Variants in AOC3 observed in about 807,000 individuals in gnomAD.
AOC3 encodes amine oxidase [copper-containing] 3.
Under a neutral mutation model 55.4 loss-of-function variants are expected in AOC3, and 47 were observed. The observed-to-expected ratio is 0.85, with a 90% confidence interval of 0.67 to 1.08. The LOEUF (loss-of-function observed/expected upper bound fraction) is 1.08. Ranked by LOEUF, AOC3 falls within the 50% of genes least tolerant of loss-of-function variation. The pLI, the probability that AOC3 is intolerant of heterozygous loss-of-function variation, is 0.00. For missense variants in AOC3, 853 were observed against 993.1 expected (o/e 0.86, Z 1.90); for synonymous variants, 386 against 410.7 (o/e 0.94, Z 0.73).
In AOC3 at chr17:42,852,351, T is replaced by G; in HGVS notation, c.1008T>G (p.Thr336=). The change falls in exon 1 of 4, where the codon ACT becomes ACG. Residue 336 remains threonine (T), a synonymous_variant. Coordinates refer to ENST00000308423, the MANE Select transcript of AOC3 (RefSeq NM_003734.4). ...QGSRVASSLW[T]FSFGLGAFSG... ...GTCGAGTGGCCTCCTCACTGTGGAC[T>G]TTCTCCTTTGGCCTCGGAGCATTCA... 3.7e-6 allele frequency: 6 copies of G among 1,614,194 alleles called. No homozygotes were observed. The highest frequency in any genetic ancestry group is 5.1e-6 in the Non-Finnish European group (6 of 1,180,034).
rs775173053 is a variant in AOC3, at chr17:42,854,492, A to G, written c.1645A>G (p.Met549Val). The G allele has an allele frequency of 3.1e-6, 5 of 1,594,294 alleles. No homozygotes were observed. In the South Asian group the frequency reaches 3.4e-5, roughly 11 times the overall value. ...GGCCGAGGATATGGTCTTTGTCCCC[A>G]TGGCTGTGCCCTGGAGCCCTGAGCA... The part of the protein sequence containing the change: ...VWAEDMVFVP[M>V]AVPWSPEHQL... The change falls in exon 2 of 4, where the codon ATG becomes GTG. Residue 549 changes from methionine to valine, a missense_variant. Physicochemically the swap from Met to Val is conservative, Grantham distance 21. Transcript: ENST00000308423.
At position 42,856,771 on chromosome 17, in the gene AOC3, A is replaced by G. The variant is rs991967607; in HGVS notation, c.*221A>G. 2 of 610,392 alleles carry G rather than the reference A, an allele frequency of 3.3e-6. No individual in the cohort carries two copies. The highest frequency in any genetic ancestry group is 3.7e-5 in the African/African-American group (2 of 54,052). The allele number at this position is 610,392 out of a possible 1,614,324, so 37.8% of individuals were successfully genotyped here. On this transcript the variant is annotated 3_prime_UTR_variant, in exon 4 of 4. Coordinates refer to ENST00000308423, the MANE Select transcript of AOC3 (RefSeq NM_003734.4). Reference sequence around the variant, plus strand: ...AACCTTGTTGATGCCAGCTGTACTGAGTTCTCATCCACAGAGGCCAGGCAT... The same window carrying G: ...AACCTTGTTGATGCCAGCTGTACTGGGTTCTCATCCACAGAGGCCAGGCAT...
At position 42,853,061 on chromosome 17, in the gene AOC3, C is replaced by T. The variant is rs1224907411; in HGVS notation, c.1600+118C>T. 7 of 1,380,632 alleles carry T rather than the reference C, an allele frequency of 5.1e-6. No homozygotes were observed. In the East Asian group the frequency reaches 1.5e-4, roughly 29 times the overall value. 85.5% of individuals were successfully genotyped at this position (1,380,632 alleles called of 1,614,324 possible). A position where few individuals can be genotyped will look rare whatever the true frequency, so the allele number is the denominator to read the frequency against. ...GAAGACGTGGATTTTTGTACTTCCC[C>T]TTTTGCTGGATGGGAGAGAGTTGGC... On this transcript the variant is annotated intron_variant, in intron 1 of 3. Transcript: ENST00000308423.
chr17:42,856,693 G>A lies in AOC3; in HGVS notation c.*143G>A, dbSNP rs574477848. ...TCTTCCACTACCCTCCCTCGCATCC[G>A]CCTCTGAGCCAGGAGCCTCCTGACC... is the stretch of plus-strand genomic sequence containing the variant. On this transcript the variant is annotated 3_prime_UTR_variant, in exon 4 of 4. Coordinates refer to ENST00000308423, the MANE Select transcript of AOC3 (RefSeq NM_003734.4). 1.0e-6 allele frequency: 1 copy of A among 988,754 alleles called. No individual in the cohort carries two copies. Among genetic ancestry groups the A allele is most frequent in the Non-Finnish European group, 1.5e-6 (1 of 683,164 alleles). 61.2% of individuals were successfully genotyped at this position (988,754 alleles called of 1,614,324 possible).
chr17:42,853,347 C>T (rs1439089862), intron 1 of AOC3: 8 of 1,018,620 alleles, frequency 7.9e-6, no homozygotes, highest in South Asian at 4.1e-5. Context: ...CATTCTACCA[C>T]GTCCCTGGCA....
At position 42,851,562 on chromosome 17, in the gene AOC3, C is replaced by T. The variant is rs2055664904; in HGVS notation, c.219C>T (p.Arg73=). The change falls in exon 1 of 4, where the codon CGC becomes CGT. Residue 73 remains arginine, a synonymous_variant. Transcript: ENST00000308423. The part of the protein sequence containing the change: ...LSREELTAVM[R]FLTQRLGPGL... ...GAGAGGAGCTGACGGCTGTGATGCG[C>T]TTTCTGACCCAGCGGCTGGGGCCAG... The T allele has an allele frequency of 6.2e-7, 1 of 1,613,706 alleles. No individual in the cohort carries two copies. Among genetic ancestry groups the T allele is most frequent in the African/African-American group, 1.3e-5 (1 of 74,940 alleles).
Position 42,852,743 on chromosome 17 carries a change from C to T in AOC3, c.1400C>T (p.Thr467Ile). ...GTGCTGGTCGTCAGATCTATGTCCA[C>T]CTTGCTCAACTATGACTATGTGTGG... Reference protein sequence around the residue: ...ETVLVVRSMSTLLNYDYVWDT... With the variant: ...ETVLVVRSMSILLNYDYVWDT... The change falls in exon 1 of 4, where the codon ACC becomes ATC. Residue 467 changes from threonine to isoleucine, a missense_variant. Coordinates refer to ENST00000308423, the MANE Select transcript of AOC3 (RefSeq NM_003734.4). 2 of 1,614,226 alleles carry T rather than the reference C, an allele frequency of 1.2e-6. No homozygotes were observed. The highest frequency in any genetic ancestry group is 1.7e-6 in the Non-Finnish European group (2 of 1,180,030).
chr17:42,855,078 C>CTCA (rs1353103365), intron 2 of AOC3, among the ~76,000 whole-genome samples: 5 of 152,154 alleles, frequency 3.3e-5, no homozygotes, highest in Non-Finnish European at 7.3e-5. Flanking sequence ...AACTCCTGAC[C>CTCA]TCATGATCCA....
chr17:42,852,404 T>C lies in AOC3; in HGVS notation c.1061T>C (p.Phe354Ser). 2 of 1,614,160 alleles carry C rather than the reference T, an allele frequency of 1.2e-6. No individual in the cohort carries two copies. Among genetic ancestry groups the C allele is most frequent in the South Asian group, 1.1e-5 (1 of 91,072 alleles). ...GGCCCAAGGATCTTTGACGTTCGCT[T>C]CCAAGGAGAAAGACTAGTTTATGAG... Reference protein sequence around the residue: ...FSGPRIFDVRFQGERLVYEIS... With the variant: ...FSGPRIFDVRSQGERLVYEIS... Residue 354 changes from phenylalanine (F) to serine (S), a missense_variant, in exon 1 of 4, where the codon TTC (phenylalanine) becomes TCC (serine). Coordinates refer to ENST00000308423, the MANE Select transcript of AOC3 (RefSeq NM_003734.4).
chr17:42,857,785 T>C lies in AOC3; in HGVS notation c.*1235T>C, dbSNP rs1404694129. On this transcript the variant is annotated 3_prime_UTR_variant, in exon 4 of 4. Coordinates refer to ENST00000308423, the MANE Select transcript of AOC3 (RefSeq NM_003734.4). ...TTCTCTAAAGGACTGGTTAAATCAA[T>C]TCTGATACAGCCTTACAATACAATA... 1 of 152,232 alleles carries C rather than the reference T, an allele frequency of 6.6e-6. No individual in the cohort carries two copies. The highest frequency in any genetic ancestry group is 2.4e-5 in the African/African-American group (1 of 41,462). 9.4% of individuals were successfully genotyped at this position (152,232 alleles called of 1,614,324 possible). A position where few individuals can be genotyped will look rare whatever the true frequency, so the allele number is the denominator to read the frequency against.
intron 1 of AOC3, chr17:42,854,116 G>A (rs1256648229): frequency 4.9e-6 from 1 of 203,606 alleles, no homozygotes; most frequent in Admixed American, 6.0e-5. Flanking sequence ...CACAGGACAG[G>A]CCAGTCAGTG....
rs1331731777 is a variant in AOC3, at chr17:42,857,542, GCCAGGAGGGGCTGTCCAATCACATTCA to G, written c.*993_*1019del. On this transcript the variant is annotated 3_prime_UTR_variant, in exon 4 of 4. Transcript: ENST00000308423. The stretch of plus-strand genomic sequence containing the variant: ...AAGCCCCTACAACTCCAGCCACCCA[GCCAGGAGGGGCTGTCCAATCACATTCA>G]GGCATGCGAATGAGCTGGGCCCTGG... The G allele has an allele frequency of 6.6e-6, 1 of 152,324 alleles. No individual in the cohort carries two copies. Among genetic ancestry groups the G allele is most frequent in the Non-Finnish European group, 1.5e-5 (1 of 68,040 alleles). The allele number at this position is 152,324 out of a possible 1,614,324, so 9.4% of individuals were successfully genotyped here. A position where few individuals can be genotyped will look rare whatever the true frequency, so the allele number is the denominator to read the frequency against.
rs1200984976 is a variant in AOC3, at chr17:42,854,716, A to G, written c.1869A>G (p.Arg623=). 1.3e-6 allele frequency: 2 copies of G among 1,481,678 alleles called. No individual in the cohort carries two copies. Among genetic ancestry groups the G allele is most frequent in the Non-Finnish European group, 1.8e-6 (2 of 1,110,788 alleles). 91.8% of individuals were successfully genotyped at this position (1,481,678 alleles called of 1,614,324 possible). A position where few individuals can be genotyped will look rare whatever the true frequency, so the allele number is the denominator to read the frequency against. ...EPLPQNSSMA[R]GFSWERYQLA... ...TGCCCCAAAACAGCTCCATGGCGAG[A>G]GGCTTCAGCTGGGAGAGGTGAGTGG... Residue 623 remains arginine (R), a synonymous_variant, in exon 2 of 4, where the codon AGA becomes AGG. Transcript: ENST00000308423.
Position 42,852,689 on chromosome 17 carries a change from C to T in AOC3, c.1346C>T (p.Ser449Leu), listed in dbSNP as rs1200194786. ...PLRRHHSDLYSHYFGGLAETV... is the reference protein window; with the variant it reads ...PLRRHHSDLYLHYFGGLAETV... ...CGGCGACACCACTCAGATCTCTACT[C>T]GCACTACTTTGGGGGTCTTGCGGAA... Residue 449 changes from serine to leucine, a missense_variant, in exon 1 of 4, where the codon TCG becomes TTG. Coordinates refer to ENST00000308423, the MANE Select transcript of AOC3 (RefSeq NM_003734.4). 1.9e-6 allele frequency: 3 copies of T among 1,614,238 alleles called. No individual in the cohort carries two copies. Among genetic ancestry groups the T allele is most frequent in the African/African-American group, 1.3e-5 (1 of 75,058 alleles).
In AOC3 at chr17:42,852,782, AC is replaced by A. The variant is rs1411455567; in HGVS notation, c.1443del (p.Ser482ValfsTer4). On this transcript the variant is annotated frameshift_variant, in exon 1 of 4. Transcript: ENST00000308423. LOFTEE classifies it high-confidence loss of function. ...NYDYVWDTVF[H>X]PSGAIEIRFY... is the part of the protein sequence containing the mutation. ...GACTATGTGTGGGATACGGTCTTCCACCCCAGTGGGGCCATAGAAATACGAT... is the reference window on the plus strand; with the variant it reads ...GACTATGTGTGGGATACGGTCTTCCACCCAGTGGGGCCATAGAAATACGAT... 1 of 1,613,890 alleles carries A rather than the reference AC, an allele frequency of 6.2e-7. No individual in the cohort carries two copies. The highest frequency in any genetic ancestry group is 8.5e-7 in the Non-Finnish European group (1 of 1,179,858).
chr17:42,852,723 G>C lies in AOC3; in HGVS notation c.1380G>C (p.Leu460=). The stretch of plus-strand genomic sequence containing the variant: ...TTGGGGGTCTTGCGGAAACGGTGCT[G>C]GTCGTCAGATCTATGTCCACCTTGC... The part of the protein sequence containing the change: ...HYFGGLAETV[L]VVRSMSTLLN... The change falls in exon 1 of 4, where the codon CTG becomes CTC. Residue 460 remains leucine, a synonymous_variant. Coordinates refer to ENST00000308423, the MANE Select transcript of AOC3 (RefSeq NM_003734.4). 1 of 1,614,222 alleles carries C rather than the reference G, an allele frequency of 6.2e-7. No homozygotes were observed. The highest frequency in any genetic ancestry group is 8.5e-7 in the Non-Finnish European group (1 of 1,180,048).
In AOC3 at chr17:42,857,045, T is replaced by A. The variant is rs750371325; in HGVS notation, c.*495T>A. The A allele has an allele frequency of 2.5e-5, 4 of 161,148 alleles. No homozygotes were observed. The highest frequency in any genetic ancestry group is 4.8e-5 in the African/African-American group (2 of 41,570). The allele number at this position is 161,148 out of a possible 1,614,324, so 10.0% of individuals were successfully genotyped here. On this transcript the variant is annotated 3_prime_UTR_variant, in exon 4 of 4. Transcript: ENST00000308423. ...TCTCTCACCTACTTCCTCCTCCTCCTCCTGTTCCTGCCTTCTCTTCTATCC... is the reference window on the plus strand; with the variant it reads ...TCTCTCACCTACTTCCTCCTCCTCCACCTGTTCCTGCCTTCTCTTCTATCC...
At position 42,852,571 on chromosome 17, in the gene AOC3, T is replaced by G; in HGVS notation, c.1228T>G (p.Tyr410Asp). The G allele has an allele frequency of 2.5e-6, 4 of 1,614,240 alleles. No individual in the cohort carries two copies. Among genetic ancestry groups the G allele is most frequent in the Non-Finnish European group, 1.7e-6 (2 of 1,180,028 alleles). ...RGVDCPYLAT[Y>D]VDWHFLLESQ... The stretch of plus-strand genomic sequence containing the variant: ...GGTGGACTGCCCCTACTTGGCCACC[T>G]ACGTGGACTGGCACTTCCTTTTGGA... Residue 410 changes from tyrosine to aspartate, a missense_variant, in exon 1 of 4, where the codon TAC becomes GAC. Coordinates refer to ENST00000308423, the MANE Select transcript of AOC3 (RefSeq NM_003734.4).
intron 2 of AOC3, 27 bp from the exon 3 acceptor site, chr17:42,855,417 A>G (rs762094571): frequency 5.4e-5 from 86 of 1,588,790 alleles, no homozygotes; most frequent in Non-Finnish European, 3.3e-5. Flanking sequence ...GTCAATGGCC[A>G]TGGAGGCCTG....
Sources: allele counts gnomAD v4.1 joint callset (sites outside exome capture counted in the v4.1 genomes callset), GRCh38; gene constraint gnomAD v4.1.1; transcripts MANE v1.5; gene names NCBI Gene and HGNC (gene_info 2026-07-23, HGNC 2026-07-21).